MSN: variants seen among roughly 807,000 people sequenced by gnomAD.
The protein encoded by MSN is moesin, also known as epididymis luminal protein 70.
In MSN, 2 loss-of-function variants were observed where a neutral mutation model predicts 48.0. The ratio of observed to expected loss-of-function variants is 0.04; its 90% CI spans 0.02 to 0.13. MSN has a LOEUF of 0.13. Among genes scored for constraint, MSN ranks in the 10% least tolerant of loss-of-function variants. The pLI is 1.00. For synonymous variants in MSN, 146 were observed against 166.9 expected, an observed-to-expected ratio of 0.87 and a Z score of 0.97; for missense variants, 267 against 470.1, an observed-to-expected ratio of 0.57 and a Z score of 3.99.
At chrX:65,701,762 G>A (rs2071306539) in intron 1 of MSN, among the ~76,000 whole-genome samples, 1 of 111,890 alleles carries the variant, frequency 8.9e-6, no homozygotes, top group South Asian at 3.7e-4. Flanking sequence ...TGGTAGACCT[G>A]GATCTTGAGA....
intron 1 of MSN, among the ~76,000 whole-genome samples, chrX:65,615,748 G>A (rs2070364906): frequency 9.1e-6 from 1 of 110,391 alleles, no homozygotes; most frequent in Non-Finnish European, 1.9e-5. Context: ...TGTTGCCATT[G>A]CTTTTGGTGT....
rs545849953 is a variant in MSN, at chrX:65,588,500, C to T, written c.-134C>T. The T allele has an allele frequency of 6.3e-5, 48 of 757,600 alleles. 1 individual carries two copies. The South Asian group carries it at 1.4e-3, about 21-fold the overall frequency. The allele number at this position is 757,600 out of a possible 1,213,427, so 62.4% of individuals were successfully genotyped here. A position where few individuals can be genotyped will look rare whatever the true frequency, so the allele number is the denominator to read the frequency against. On this transcript the variant is annotated 5_prime_UTR_variant, in exon 1 of 4. Coordinates refer to the MSN transcript ENST00000609672. ...TCCATGCAGGGGCAGCCATGAGCTC[C>T]GGGGGCAGCAGCAAGGCTGGCCACA...
At chrX:65,593,060 T>G (rs1173666931) in intron 1 of MSN, among the ~76,000 whole-genome samples, 2 of 111,471 alleles carry the variant, frequency 1.8e-5, no homozygotes, top group Non-Finnish European at 3.8e-5. Context: ...CCAATTTTGA[T>G]TTTGCTTATT....
chrX:65,619,914 T>C (rs2070418414), intron 1 of MSN, among the ~76,000 whole-genome samples: 2 of 110,324 alleles, frequency 1.8e-5, no homozygotes, highest in African/African-American at 6.8e-5. Flanking sequence ...GTTTGTTAGT[T>C]TTCCTTTTAA....
intron 1 of MSN, among the ~76,000 whole-genome samples, chrX:65,651,998 C>A (rs1259750262): frequency 1.8e-5 from 2 of 108,337 alleles, no homozygotes; most frequent in African/African-American, 6.7e-5. Flanking sequence ...CGCCTGTAAT[C>A]CCAGCACTTT....
In MSN at chrX:65,739,999, C is replaced by T. The variant is rs1334831748; in HGVS notation, c.*106C>T. On this transcript the variant is annotated 3_prime_UTR_variant, in exon 13 of 13. Transcript: ENST00000360270. ...GTGCTGGAGCCACTAACTAGAGCAG[C>T]CCTGGAGTCATGCCAAGCATTTAAT... 9 of 885,586 alleles carry T rather than the reference C, an allele frequency of 1.0e-5. No individual in the cohort carries two copies. Among genetic ancestry groups the T allele is most frequent in the Admixed American group, 6.4e-5 (2 of 31,444 alleles). The allele number at this position is 885,586 out of a possible 1,213,427, so 73.0% of individuals were successfully genotyped here.
chrX:65,668,020 G>T (rs922877661), intron 1 of MSN, among the ~76,000 whole-genome samples, 167 bp downstream of exon 1: 1 of 112,295 alleles, frequency 8.9e-6, no homozygotes, highest in Non-Finnish European at 1.9e-5. Context: ...GGTCTGGTGC[G>T]CCCTCAGGGG....
intron 1 of MSN, among the ~76,000 whole-genome samples, chrX:65,615,701 T>C (rs1341802350): frequency 9.2e-6 from 1 of 108,164 alleles, no homozygotes; most frequent in East Asian, 2.9e-4. Context: ...CAGAAGCTCT[T>C]TAGTTTAATT....
At chrX:65,717,209 T>C (rs947229496) in intron 2 of MSN, among the ~76,000 whole-genome samples, 1 of 112,012 alleles carries the variant, frequency 8.9e-6, no homozygotes, top group Non-Finnish European at 1.9e-5. Flanking sequence ...CTCTGAAACA[T>C]GTAAGTGATG....
At chrX:65,662,449 G>A (rs2070830915) in intron 1 of MSN, among the ~76,000 whole-genome samples, 1 of 111,679 alleles carries the variant, frequency 9.0e-6, no homozygotes, top group Non-Finnish European at 1.9e-5. Context: ...TAGACCAATG[G>A]AACAGAATAT....
At chrX:65,596,709 A>G (rs1602704938) in intron 1 of MSN, among the ~76,000 whole-genome samples, 1 of 100,982 alleles carries the variant, frequency 9.9e-6, no homozygotes. Flanking sequence ...GGGTGGGGGG[A>G]ATGAGGGGGG....
chrX:65,652,821 C>T (rs1480203786), intron 1 of MSN, among the ~76,000 whole-genome samples: 2 of 111,025 alleles, frequency 1.8e-5, no homozygotes, highest in Admixed American at 9.6e-5. Context: ...AATTGGGACA[C>T]GTAGCCTAGA....
chrX:65,734,124 C>G (rs776997856), intron 7 of MSN, among the ~76,000 whole-genome samples: 1 of 112,186 alleles, frequency 8.9e-6, no homozygotes, highest in Non-Finnish European at 1.9e-5. Flanking sequence ...CTAACACACT[C>G]GCCATGCTTC....
intron 1 of MSN, among the ~76,000 whole-genome samples, chrX:65,701,135 T>A (rs1013107358): frequency 8.9e-6 from 1 of 111,873 alleles, no homozygotes; most frequent in African/African-American, 3.2e-5. Flanking sequence ...AAAGAGTGAA[T>A]GTGGAGTGTT....
intron 1 of MSN, among the ~76,000 whole-genome samples, chrX:65,653,899 G>A (rs1231089935): frequency 1.8e-5 from 2 of 108,854 alleles, no homozygotes; most frequent in East Asian, 2.9e-4. Flanking sequence ...TCAGCCTCCC[G>A]AGTAGCTGGG....
In MSN at chrX:65,699,641, C is replaced by T. The variant is rs192451588; in HGVS notation, c.13-17177C>T. The stretch of plus-strand genomic sequence containing the variant: ...GTGGGCGCCTGTAGTCCCAGCTACT[C>T]GGAAGGCTGAGGCAGGAGAATGGCG... On this transcript the variant is annotated intron_variant, in intron 1 of 12. Transcript: ENST00000360270. Among the ~76,000 whole-genome samples, 1,022 of 106,180 alleles carry T rather than the reference C, an allele frequency of 9.6e-3. 50 individuals carry two copies. In the East Asian group the frequency reaches 0.19, roughly 20 times the overall value. 92.2% of individuals were successfully genotyped at this position (106,180 alleles called of 115,157 possible).
At chrX:65,613,866 G>T (rs58335444) in intron 1 of MSN, among the ~76,000 whole-genome samples, 16,721 of 110,648 alleles carry the variant, frequency 0.15, 3,064 homozygotes, top group African/African-American at 0.52. Context: ...GCAGAAGCTC[G>T]TTAGTTTAAT....
chrX:65,649,003 G>A (rs910509215), intron 1 of MSN, among the ~76,000 whole-genome samples: 1 of 110,760 alleles, frequency 9.0e-6, no homozygotes, highest in Non-Finnish European at 1.9e-5. Context: ...CCCACTGTCC[G>A]TAAGTGGCCA....
At chrX:65,631,321 T>C (rs1394429768) in intron 1 of MSN, among the ~76,000 whole-genome samples, 1 of 110,797 alleles carries the variant, frequency 9.0e-6, no homozygotes, top group African/African-American at 3.3e-5. Context: ...TTTGAACTCC[T>C]GACCTCAAAT....
Sources: allele counts gnomAD v4.1 joint callset (sites outside exome capture counted in the v4.1 genomes callset), GRCh38; gene constraint gnomAD v4.1.1; transcripts MANE v1.5; gene names NCBI Gene and HGNC (gene_info 2026-07-23, HGNC 2026-07-21).